SLC9A9: variants seen among roughly 807,000 people sequenced by gnomAD.
The protein encoded by SLC9A9 is sodium/hydrogen exchanger 9.
SLC9A9 carries 62 observed loss-of-function variants against 77.8 expected under a neutral mutation model. The ratio of observed to expected loss-of-function variants is 0.80; its 90% confidence interval spans 0.65 to 0.98. The LOEUF (loss-of-function observed/expected upper bound fraction) is 0.98, where lower values mean the gene tolerates loss of function less well. Among genes scored for constraint, SLC9A9 ranks in the 50% least tolerant of loss-of-function variants. The probability of loss-of-function intolerance (pLI) is 0.00; values close to 1 mark genes in which losing one functional copy is unlikely to be tolerated. For synonymous variants in SLC9A9, 320 were observed against 283.5 expected, an observed-to-expected ratio of 1.13 and a Z score of -1.29; for missense variants, 775 against 774.9, an observed-to-expected ratio of 1.00 and a Z score of 0.00.
intron 6 of SLC9A9, among the ~76,000 whole-genome samples, chr3:143,594,657 C>T (rs772630144): frequency 4.6e-5 from 7 of 152,006 alleles, no homozygotes; most frequent in Non-Finnish European, 7.4e-5. Flanking sequence ...ACGGTAAGTT[C>T]CTATCTTGGG....
intron 4 of SLC9A9, among the ~76,000 whole-genome samples, chr3:143,778,013 C>G (rs796278211): frequency 1.2e-5 from 1 of 84,090 alleles, no homozygotes; most frequent in Non-Finnish European, 2.2e-5. Context: ...ACGCCCGGCC[C>G]GTCACTGATA....
chr3:143,807,818 G>C (rs1449957710), intron 2 of SLC9A9, among the ~76,000 whole-genome samples: 1 of 152,250 alleles, frequency 6.6e-6, no homozygotes, highest in Non-Finnish European at 1.5e-5. Flanking sequence ...GGGCTGGGTG[G>C]AGTGGGCAAA....
chr3:143,572,362 A>C (rs1306578818), intron 8 of SLC9A9, among the ~76,000 whole-genome samples: 1 of 151,994 alleles, frequency 6.6e-6, no homozygotes, highest in African/African-American at 2.4e-5. Context: ...TAGATTAAAA[A>C]ATATTAGGTG....
intron 12 of SLC9A9, among the ~76,000 whole-genome samples, chr3:143,454,430 A>G (rs2035053867): frequency 6.6e-6 from 1 of 152,084 alleles, no homozygotes; most frequent in Admixed American, 6.5e-5. Flanking sequence ...ACTTTCTCTT[A>G]TGTTTTTTCT....
chr3:143,696,869 C>T (rs1447739), intron 4 of SLC9A9, among the ~76,000 whole-genome samples: 147,527 of 152,200 alleles, frequency 0.97, 71,540 homozygotes, highest in East Asian at 1. Context: ...TTGCTGGAAA[C>T]GAAATTAAAG....
At chr3:143,456,784 C>T (rs563410063) in intron 12 of SLC9A9, among the ~76,000 whole-genome samples, 8 of 152,144 alleles carry the variant, frequency 5.3e-5, no homozygotes, top group African/African-American at 9.6e-5. Context: ...AGGCTGGTCT[C>T]GAACTCCTGA....
intron 9 of SLC9A9, among the ~76,000 whole-genome samples, chr3:143,496,334 T>C (rs892485827): frequency 6.6e-6 from 1 of 152,246 alleles, no homozygotes; most frequent in African/African-American, 2.4e-5. Context: ...TCCAGACTTC[T>C]CATTTGGAAG....
chr3:143,506,105 C>T (rs1204212371), intron 9 of SLC9A9, among the ~76,000 whole-genome samples: 1 of 152,202 alleles, frequency 6.6e-6, no homozygotes, highest in Non-Finnish European at 1.5e-5. Flanking sequence ...GAGTACTTAT[C>T]ATGATACTGC....
At position 143,749,633 on chromosome 3, in the gene SLC9A9, G is replaced by A. The variant is rs184325434; in HGVS notation, c.533+45368C>T. Among the ~76,000 whole-genome samples the A allele has an allele frequency of 1.5e-3, 221 of 152,286 alleles. 2 individuals carry two copies. Among genetic ancestry groups the A allele is most frequent in the Admixed American group, 3.7e-3 (57 of 15,304 alleles). Reference sequence around the variant, plus strand: ...TGTCATATGTTAACGCTAGAGTTGCGGAGAATGGTTACTTGGGATAAAAGA... The same window carrying A: ...TGTCATATGTTAACGCTAGAGTTGCAGAGAATGGTTACTTGGGATAAAAGA... On this transcript the variant is annotated intron_variant, in intron 4 of 15. Transcript: ENST00000316549.
intron 14 of SLC9A9, among the ~76,000 whole-genome samples, chr3:143,325,764 ATC>A (rs1186130275): frequency 6.6e-6 from 1 of 152,224 alleles, no homozygotes; most frequent in Non-Finnish European, 1.5e-5. Flanking sequence ...GCTGTGGACT[ATC>A]TATTGGTGCC....
intron 11 of SLC9A9, among the ~76,000 whole-genome samples, chr3:143,475,685 G>A (rs1023617114): frequency 1.3e-5 from 2 of 151,842 alleles, no homozygotes; most frequent in South Asian, 2.1e-4. Flanking sequence ...CCAGGTACTC[G>A]GGAGGCTGAG....
chr3:143,824,308 A>T (rs527988156), intron 2 of SLC9A9, among the ~76,000 whole-genome samples: 54 of 152,214 alleles, frequency 3.5e-4, no homozygotes, highest in African/African-American at 1.3e-3. Context: ...AAAACCAAAA[A>T]ACCAAAAACA....
intron 14 of SLC9A9, among the ~76,000 whole-genome samples, chr3:143,339,424 C>G (rs2032026242): frequency 6.6e-6 from 1 of 152,184 alleles, no homozygotes; most frequent in African/African-American, 2.4e-5. Flanking sequence ...ACCTACCCAG[C>G]TCAAGCCTTG....
chr3:143,374,625 AT>A (rs1182335664), intron 13 of SLC9A9, among the ~76,000 whole-genome samples: 1 of 151,808 alleles, frequency 6.6e-6, no homozygotes, highest in Non-Finnish European at 1.5e-5. Flanking sequence ...AAATTTTTAA[AT>A]TATTTTTCAA....
chr3:143,275,076 A>G (rs1706650637), intron 14 of SLC9A9, among the ~76,000 whole-genome samples: 1 of 152,192 alleles, frequency 6.6e-6, no homozygotes, highest in African/African-American at 2.4e-5. Flanking sequence ...AGTTCTCAGC[A>G]AGGGTTCATG....
chr3:143,603,652 C>T (rs569684584), intron 6 of SLC9A9, among the ~76,000 whole-genome samples: 2 of 152,288 alleles, frequency 1.3e-5, no homozygotes, highest in South Asian at 4.1e-4. Flanking sequence ...TTGTCTGCAA[C>T]CTCATGAGAG....
At chr3:143,781,709 A>G (rs1395765588) in intron 4 of SLC9A9, among the ~76,000 whole-genome samples, 1 of 152,238 alleles carries the variant, frequency 6.6e-6, no homozygotes, top group Non-Finnish European at 1.5e-5. Context: ...AGGAACCTAT[A>G]TAATCTAGCA....
chr3:143,837,101 G>A (rs1053310298), intron 1 of SLC9A9, among the ~76,000 whole-genome samples: 1 of 152,184 alleles, frequency 6.6e-6, no homozygotes, highest in Admixed American at 6.5e-5. Context: ...AAATAAAGCA[G>A]ATTTCAGAAT....
intron 12 of SLC9A9, among the ~76,000 whole-genome samples, chr3:143,422,973 C>T (rs1020094641): frequency 6.6e-6 from 1 of 152,114 alleles, no homozygotes. Flanking sequence ...GATCCATGAC[C>T]CAGTCCCTGA....
Sources: allele counts gnomAD v4.1 joint callset (sites outside exome capture counted in the v4.1 genomes callset), GRCh38; gene constraint gnomAD v4.1.1; transcripts MANE v1.5; gene names NCBI Gene and HGNC (gene_info 2026-07-23, HGNC 2026-07-21).